The following SNRNP70 variants were observed in gnomAD, a reference collection of about 807,000 sequenced individuals.
SNRNP70 encodes U1 small nuclear ribonucleoprotein 70 kDa.
Under a neutral mutation model 50.5 loss-of-function variants are expected in SNRNP70, and 8 were observed. The ratio of observed to expected loss-of-function variants is 0.16; its 90% CI spans 0.09 to 0.29. SNRNP70 has a LOEUF of 0.29. Among genes scored for constraint, SNRNP70 ranks in the 10% least tolerant of loss-of-function variants. SNRNP70 has a pLI of 1.00. For synonymous variants in SNRNP70, 320 were observed against 252.9 expected (o/e 1.27, Z -2.52); for missense variants, 529 against 663.5 (o/e 0.80, Z 2.23).
chr19:49,093,780 G>C (rs570922539), intron 4 of SNRNP70, among the ~76,000 whole-genome samples: 1 of 151,286 alleles, frequency 6.6e-6, no homozygotes, highest in Non-Finnish European at 1.5e-5. Context: ...GATCACATGA[G>C]GTCAGGAGTT....
chr19:49,085,486 C>G lies in SNRNP70; in HGVS notation c.-161C>G. 3 of 445,060 alleles carry G rather than the reference C, an allele frequency of 6.7e-6. No homozygotes were observed. Among genetic ancestry groups the G allele is most frequent in the Non-Finnish European group, 1.4e-5 (3 of 219,594 alleles). 27.6% of individuals were successfully genotyped at this position (445,060 alleles called of 1,614,324 possible). ...GGAGGCCGCGCGGGTGGCTGAGCAGCGGCCTGGTGCGCTCGCTTAGCGGGC... is the reference window on the plus strand; with the variant it reads ...GGAGGCCGCGCGGGTGGCTGAGCAGGGGCCTGGTGCGCTCGCTTAGCGGGC... On this transcript the variant is annotated 5_prime_UTR_variant, in exon 1 of 10. Transcript: ENST00000598441.
In SNRNP70 at chr19:49,104,609, C is replaced by G; in HGVS notation, c.476-25C>G. 2 of 1,532,046 alleles carry G rather than the reference C, an allele frequency of 1.3e-6. No individual in the cohort carries two copies. Among genetic ancestry groups the G allele is most frequent in the Non-Finnish European group, 1.8e-6 (2 of 1,129,564 alleles). 94.9% of individuals were successfully genotyped at this position (1,532,046 alleles called of 1,614,324 possible). ...AGGACCCTCTGGGGACTCCTCTCCCCTCCCCCTCCCCACATCTGTTACAGC... is the reference window on the plus strand; with the variant it reads ...AGGACCCTCTGGGGACTCCTCTCCCGTCCCCCTCCCCACATCTGTTACAGC... On this transcript the variant is annotated intron_variant, in intron 7 of 9. Coordinates refer to ENST00000598441, the MANE Select transcript of SNRNP70 (RefSeq NM_003089.6). The surrounding 1 kb of genome is among the most constrained non-coding windows in gnomAD (Gnocchi z 5.4).
chr19:49,102,303 C>T (rs1299488289), intron 7 of SNRNP70: 8 of 504,310 alleles, frequency 1.6e-5, no homozygotes, highest in Admixed American at 2.6e-5. Flanking sequence ...CTCCCCGCAC[C>T]CATGGCCCTT....
chr19:49,099,559 G>C (rs2040554874), intron 6 of SNRNP70, among the ~76,000 whole-genome samples: 1 of 150,162 alleles, frequency 6.7e-6, no homozygotes, highest in Non-Finnish European at 1.5e-5. Flanking sequence ...GGTGAAACCT[G>C]GTCTGTACAA....
chr19:49,098,818 C>A, intron 6 of SNRNP70, 114 bp downstream of exon 6: 1 of 837,566 alleles, frequency 1.2e-6, no homozygotes, highest in Non-Finnish European at 2.1e-6. Context: ...ATTTCAGGGC[C>A]TGGATTTATG....
At chr19:49,100,951 G>A (rs1236018536) in intron 6 of SNRNP70, among the ~76,000 whole-genome samples, 1 of 152,006 alleles carries the variant, frequency 6.6e-6, no homozygotes, top group Non-Finnish European at 1.5e-5. Context: ...CAGCTCCTCA[G>A]CGACCACACT....
Position 49,107,993 on chromosome 19 carries a change from G to A in SNRNP70, c.864G>A (p.Arg288=). ...RERSKDKDRD[R]KRRSSRSRER... is the part of the protein sequence containing the mutation. ...GGAGCAAGGACAAGGACCGGGACCG[G>A]AAGCGGCGAAGCAGCCGGAGTCGGG... Residue 288 remains arginine, a synonymous_variant, in exon 10 of 10, where the codon CGG becomes CGA. Coordinates refer to ENST00000598441, the MANE Select transcript of SNRNP70 (RefSeq NM_003089.6). The surrounding 1 kb of genome is among the most constrained non-coding windows in gnomAD (Gnocchi z 6.0). 1 of 1,547,766 alleles carries A rather than the reference G, an allele frequency of 6.5e-7. No homozygotes were observed. Among genetic ancestry groups the A allele is most frequent in the Non-Finnish European group, 8.7e-7 (1 of 1,146,084 alleles).
intron 4 of SNRNP70, among the ~76,000 whole-genome samples, chr19:49,090,958 G>A (rs935564038): frequency 6.6e-6 from 1 of 152,124 alleles, no homozygotes; most frequent in African/African-American, 2.4e-5. Flanking sequence ...ACTCATAAGA[G>A]GGTCAGATGT....
chr19:49,102,493 G>A (rs2040601740), intron 7 of SNRNP70: 1 of 256,488 alleles, frequency 3.9e-6, no homozygotes, highest in Non-Finnish European at 8.0e-6. Flanking sequence ...CAGGAACACC[G>A]AGGGCAGGGC....
chr19:49,098,754 G>T, intron 6 of SNRNP70, 50 bp downstream of exon 6: 2 of 1,461,610 alleles, frequency 1.4e-6, no homozygotes, highest in Non-Finnish European at 1.9e-6. Flanking sequence ...TGGAGGAGGG[G>T]CTGTATCCTG....
Position 49,104,565 on chromosome 19 carries a change from C to T in SNRNP70, c.476-69C>T, listed in dbSNP as rs1488838762. 5.9e-6 allele frequency: 7 copies of T among 1,183,788 alleles called. No homozygotes were observed. In the East Asian group the frequency reaches 1.3e-4, roughly 22 times the overall value. The allele number at this position is 1,183,788 out of a possible 1,614,324, so 73.3% of individuals were successfully genotyped here. A position where few individuals can be genotyped will look rare whatever the true frequency, so the allele number is the denominator to read the frequency against. ...GACACGGGGCGGGGATTCTGTAGAG[C>T]TGGGCCTGTCCTGACTAGAGGACCC... is the stretch of plus-strand genomic sequence containing the variant. On this transcript the variant is annotated intron_variant, in intron 7 of 9. Coordinates refer to ENST00000598441, the MANE Select transcript of SNRNP70 (RefSeq NM_003089.6). The surrounding 1 kb of genome is among the most constrained non-coding windows in gnomAD (Gnocchi z 5.4).
chr19:49,094,885 A>G (rs1254611912), intron 4 of SNRNP70, among the ~76,000 whole-genome samples: 1 of 152,234 alleles, frequency 6.6e-6, no homozygotes, highest in Non-Finnish European at 1.5e-5. Flanking sequence ...AAAGAGTGAG[A>G]GTTCCAAGAT....
chr19:49,096,352 C>T (rs1390758989), intron 4 of SNRNP70, among the ~76,000 whole-genome samples: 1 of 152,066 alleles, frequency 6.6e-6, no homozygotes, highest in East Asian at 1.9e-4. Context: ...CCACTGTGCC[C>T]AGCCTGGCAA....
intron 7 of SNRNP70, chr19:49,103,346 C>T (rs923535984): frequency 6.6e-6 from 1 of 152,634 alleles, no homozygotes; most frequent in African/African-American, 2.4e-5. Context: ...CCAGGTGGTA[C>T]AGGAGATGTG....
At chr19:49,097,002 C>T (rs1272324314) in intron 4 of SNRNP70, among the ~76,000 whole-genome samples, 6 of 150,858 alleles carry the variant, frequency 4.0e-5, no homozygotes, top group African/African-American at 9.8e-5. Flanking sequence ...TGGTGGTGCA[C>T]GCCTGTAATC....
intron 7 of SNRNP70, chr19:49,101,746 G>C: frequency 4.2e-6 from 2 of 481,538 alleles, no homozygotes; most frequent in Non-Finnish European, 7.6e-6. Context: ...ACTGGGTGGG[G>C]GGCTGGGGCC....
At chr19:49,101,241 A>G (rs2040581336) in intron 6 of SNRNP70, 149 bp from the exon 7 acceptor site, 6 of 648,880 alleles carry the variant, frequency 9.2e-6, no homozygotes, top group South Asian at 1.7e-5. Flanking sequence ...TGCTCCTGCC[A>G]TTAGAACATA....
chr19:49,086,060 G>A (rs906989959), intron 1 of SNRNP70, among the ~76,000 whole-genome samples: 4 of 152,090 alleles, frequency 2.6e-5, no homozygotes, highest in African/African-American at 7.2e-5. Context: ...GGCACGGGAC[G>A]AGCAGCCACA....
rs1033750017 is a variant in SNRNP70, at chr19:49,107,034, G to A, written c.578-591G>A. On this transcript the variant is annotated intron_variant, in intron 8 of 9. Coordinates refer to ENST00000598441, the MANE Select transcript of SNRNP70 (RefSeq NM_003089.6). This position sits in a 1 kb window ranked among gnomAD's most constrained non-coding sequence, Gnocchi z 6.0. Reference sequence around the variant, plus strand: ...CCCGAGAAAGGATGTTCGGGCTAGCGTTAAGGGTGAGCGTGAGTTCACCAG... The same window carrying A: ...CCCGAGAAAGGATGTTCGGGCTAGCATTAAGGGTGAGCGTGAGTTCACCAG... 2.0e-5 allele frequency among the ~76,000 whole-genome samples: 3 copies of A among 152,156 alleles called. No individual in the cohort carries two copies. The highest frequency in any genetic ancestry group is 4.8e-5 in the African/African-American group (2 of 41,430).
Sources: gnomAD v4.1 joint callset for allele counts (sites outside exome capture counted in the v4.1 genomes callset) on GRCh38, gnomAD v4.1.1 for gene constraint, Gnocchi (gnomAD v3.1) non-coding constraint, MANE v1.5 for transcripts, NCBI Gene and HGNC (gene_info 2026-07-23, HGNC 2026-07-21) for gene names.